The following RADIL variants were observed in gnomAD, a reference collection of about 807,000 sequenced individuals.
The protein encoded by RADIL is Rap associating with DIL domain.
In RADIL, 99 loss-of-function variants were observed where a neutral mutation model predicts 97.6. That is an observed-to-expected ratio of 1.01 (90% confidence interval 0.86 to 1.20). The LOEUF is 1.20. RADIL is among the 50% of genes most tolerant of loss of function. The pLI, the probability that RADIL is intolerant of heterozygous loss-of-function variation, is 0.00. For missense variants in RADIL, 1,765 were observed against 1,498.9 expected, an observed-to-expected ratio of 1.18 and a Z score of -2.93; for synonymous variants, 803 against 691.8, an observed-to-expected ratio of 1.16 and a Z score of -2.52.
intron 5 of RADIL, among the ~76,000 whole-genome samples, chr7:4,828,377 C>T (rs1783053523): frequency 6.6e-6 from 1 of 152,206 alleles, no homozygotes; most frequent in South Asian, 2.1e-4. Context: ...GGAATCGCTT[C>T]AGCCCAGGAG....
intron 9 of RADIL, chr7:4,809,422 G>A: frequency 1.0e-6 from 1 of 985,410 alleles, no homozygotes; most frequent in African/African-American, 1.7e-5. Flanking sequence ...TCCTTTCCGT[G>A]CACACAGGAA....
At chr7:4,875,694 T>C (rs947272857) in intron 2 of RADIL, among the ~76,000 whole-genome samples, 3 of 152,226 alleles carry the variant, frequency 2.0e-5, no homozygotes, top group Admixed American at 1.3e-4. Context: ...CGAAATTCTG[T>C]GTCTGACATT....
chr7:4,859,002 T>C (rs1432730748), intron 2 of RADIL: 1 of 152,228 alleles, frequency 6.6e-6, no homozygotes, highest in East Asian at 1.9e-4. Context: ...AAAACAGTTC[T>C]ACAGATTAAA....
At chr7:4,828,811 C>T (rs1783065161) in intron 5 of RADIL, among the ~76,000 whole-genome samples, 1 of 152,220 alleles carries the variant, frequency 6.6e-6, no homozygotes, top group African/African-American at 2.4e-5. Context: ...GATGACGGTT[C>T]TGGAACACAC....
Position 4,877,653 on chromosome 7 carries a change from A to G in RADIL, c.487T>C (p.Ser163Pro). 1 of 1,612,132 alleles carries G rather than the reference A, an allele frequency of 6.2e-7. No individual in the cohort carries two copies. The highest frequency in any genetic ancestry group is 8.5e-7 in the Non-Finnish European group (1 of 1,179,206). The change falls in exon 2 of 15, where the codon TCG (serine) becomes CCG (proline). Residue 163 changes from serine to proline, a missense_variant. By Grantham distance (74) the Ser-to-Pro change is moderately conservative. Transcript: ENST00000399583. ...LSRRFELRKR[S>P]DVEELAAKEV... ...TTGGCTGCCAGCTCCTCCACGTCCGACCTCTTCCTCAGCTCAAACCTCCGG... is the reference window on the plus strand; with the variant it reads ...TTGGCTGCCAGCTCCTCCACGTCCGGCCTCTTCCTCAGCTCAAACCTCCGG...
In RADIL at chr7:4,849,823, A is replaced by T. The variant is rs1783664780; in HGVS notation, c.536-13218T>A. On this transcript the variant is annotated intron_variant, in intron 2 of 14. Coordinates refer to ENST00000399583, the MANE Select transcript of RADIL (RefSeq NM_018059.5). The surrounding 1 kb of genome is among the most constrained non-coding windows in gnomAD (Gnocchi z 5.4). ...CGAACACAGATCACAATCTGTGTTG[A>T]AATAAATCTTTAGCTACAATACAGC... is the stretch of plus-strand genomic sequence containing the variant. 6.6e-6 allele frequency among the ~76,000 whole-genome samples: 1 copy of T among 152,238 alleles called. No individual in the cohort carries two copies. The highest frequency in any genetic ancestry group is 1.5e-5 in the Non-Finnish European group (1 of 68,040).
intron 9 of RADIL, 128 bp from the exon 10 acceptor site, chr7:4,805,844 G>A (rs1782288674): frequency 1.4e-6 from 2 of 1,413,188 alleles, no homozygotes; most frequent in African/African-American, 2.9e-5. Flanking sequence ...CTCCCACCAG[G>A]GGCCATCTGT....
chr7:4,855,202 G>A (rs1470032687), intron 2 of RADIL, among the ~76,000 whole-genome samples: 1 of 152,132 alleles, frequency 6.6e-6, no homozygotes. Context: ...TGGAACTTTC[G>A]GCTACTACAA....
At chr7:4,866,826 A>G (rs2115040446) in intron 2 of RADIL, among the ~76,000 whole-genome samples, 1 of 152,338 alleles carries the variant, frequency 6.6e-6, no homozygotes, top group East Asian at 1.9e-4. Context: ...CAGGCCTAGT[A>G]GGAGGTGTTT....
At position 4,817,234 on chromosome 7, in the gene RADIL, TGCACCTTGGAGACATAGTAGAC is replaced by T. The variant is rs1782700855; in HGVS notation, c.1711_1728+4del. 1 of 1,608,588 alleles carries T rather than the reference TGCACCTTGGAGACATAGTAGAC, an allele frequency of 6.2e-7. No homozygotes were observed. Among genetic ancestry groups the T allele is most frequent in the Non-Finnish European group, 8.5e-7 (1 of 1,176,980 alleles). On this transcript the variant is annotated splice_donor_variant and splice_donor_region_variant and coding_sequence_variant and intron_variant, in exon 7 of 15. Transcript: ENST00000399583. LOFTEE classifies it high-confidence loss of function. The surrounding 1 kb of genome is among the most constrained non-coding windows in gnomAD (Gnocchi z 8.3). ...TGAGTGCAGAAGCAGAGCCCGTCCG[TGCACCTTGGAGACATAGTAGAC>T]GCACTGCTGGAAGGCGTACAGCACC...
At chr7:4,844,495 C>G (rs1783522839) in intron 2 of RADIL, among the ~76,000 whole-genome samples, 1 of 152,038 alleles carries the variant, frequency 6.6e-6, no homozygotes, top group Non-Finnish European at 1.5e-5. Context: ...ATTTTGCAGA[C>G]AATGTGATTG....
At chr7:4,874,952 G>A (rs944006857) in intron 2 of RADIL, among the ~76,000 whole-genome samples, 1 of 152,062 alleles carries the variant, frequency 6.6e-6, no homozygotes. Flanking sequence ...CAGCACTTTG[G>A]GAGGCCGAGG....
At chr7:4,863,540 T>C (rs1473396317) in intron 2 of RADIL, among the ~76,000 whole-genome samples, 2 of 152,224 alleles carry the variant, frequency 1.3e-5, no homozygotes, top group Non-Finnish European at 2.9e-5. Context: ...CACTATAGAA[T>C]TGCAGTCAGT....
Position 4,799,680 on chromosome 7 carries a change from G to A in RADIL, c.3072C>T (p.Asp1024=), listed in dbSNP as rs116565950. ...AAADGRLSLG[D]RILEVNGSSL... ...TGCTGCCATTCACCTCCAGGATACGGTCCCCCAGCGACAGGCGCCCGTCGG... is the reference window on the plus strand; with the variant it reads ...TGCTGCCATTCACCTCCAGGATACGATCCCCCAGCGACAGGCGCCCGTCGG... The change falls in exon 14 of 15, where the codon GAC becomes GAT. Residue 1024 remains aspartate (D), a synonymous_variant. Transcript: ENST00000399583. 2,198 of 1,590,596 alleles carry A rather than the reference G, an allele frequency of 1.4e-3. 31 individuals are homozygous for A. In the African/African-American group the frequency reaches 0.025, roughly 18 times the overall value.
In RADIL at chr7:4,816,290, T is replaced by C. The variant is rs762186680; in HGVS notation, c.1904A>G (p.Gln635Arg). 1 of 1,612,808 alleles carries C rather than the reference T, an allele frequency of 6.2e-7. No individual in the cohort carries two copies. The highest frequency in any genetic ancestry group is 2.2e-5 in the East Asian group (1 of 44,860). ...QLQVHPEVAS[Q>R]MLAYLFFFSG... is the part of the protein sequence containing the mutation. ...GAAGAAGAAGAGGTAGGCGAGCATCTGCGAGGCCACCTCGGGGTGCACCTG... is the reference window on the plus strand; with the variant it reads ...GAAGAAGAAGAGGTAGGCGAGCATCCGCGAGGCCACCTCGGGGTGCACCTG... The change falls in exon 8 of 15, where the codon CAG (glutamine) becomes CGG (arginine). Residue 635 changes from glutamine to arginine, a missense_variant. Coordinates refer to ENST00000399583, the MANE Select transcript of RADIL (RefSeq NM_018059.5).
intron 5 of RADIL, among the ~76,000 whole-genome samples, chr7:4,828,543 T>C (rs1168083453): frequency 6.6e-6 from 1 of 152,226 alleles, no homozygotes; most frequent in Non-Finnish European, 1.5e-5. Flanking sequence ...AGAAAATGAT[T>C]TAGTCAAATT....
chr7:4,817,783 T>A lies in RADIL; in HGVS notation c.1616-432A>T, dbSNP rs1317827696. ...GAGTGGCCGCCACTCTGTGGAATCA[T>A]AAGTCTTTTGGGAAGAAAAAGCCCA... On this transcript the variant is annotated intron_variant, in intron 6 of 14. Coordinates refer to ENST00000399583, the MANE Select transcript of RADIL (RefSeq NM_018059.5). This position sits in a 1 kb window ranked among gnomAD's most constrained non-coding sequence, Gnocchi z 8.3. Among the ~76,000 whole-genome samples the A allele has an allele frequency of 6.6e-6, 1 of 152,144 alleles. No homozygotes were observed. The highest frequency in any genetic ancestry group is 1.9e-4 in the East Asian group (1 of 5,172).
At chr7:4,841,407 C>T (rs1044984427) in intron 2 of RADIL, among the ~76,000 whole-genome samples, 8 of 152,226 alleles carry the variant, frequency 5.3e-5, no homozygotes, top group African/African-American at 1.9e-4. Context: ...CCCCCTCCCC[C>T]AAAGCCCTGT....
Position 4,824,711 on chromosome 7 carries a change from A to G in RADIL, c.1455-2157T>C, listed in dbSNP as rs890054568. Among the ~76,000 whole-genome samples the G allele has an allele frequency of 9.8e-5, 15 of 152,374 alleles. No individual in the cohort carries two copies. Among genetic ancestry groups the G allele is most frequent in the African/African-American group, 3.1e-4 (13 of 41,592 alleles). On this transcript the variant is annotated intron_variant, in intron 5 of 14. Coordinates refer to ENST00000399583, the MANE Select transcript of RADIL (RefSeq NM_018059.5). This position sits in a 1 kb window ranked among gnomAD's most constrained non-coding sequence, Gnocchi z 6.7. The stretch of plus-strand genomic sequence containing the variant: ...CGCTGCCTGCTCATGTGTCTGGCAC[A>G]GCTCAAAGTCCTGCTCCTTTTTGCC...
Sources: allele counts gnomAD v4.1 joint callset (sites outside exome capture counted in the v4.1 genomes callset), GRCh38; gene constraint gnomAD v4.1.1; non-coding constraint Gnocchi (gnomAD v3.1); transcripts MANE v1.5; gene names NCBI Gene and HGNC (gene_info 2026-07-23, HGNC 2026-07-21).